The following USP7 variants were observed in gnomAD, a reference collection of about 807,000 sequenced individuals.
The protein encoded by USP7 is ubiquitin C-terminal hydrolase 7.
Under a neutral mutation model 162.9 loss-of-function variants are expected in USP7, and 9 were observed. The observed-to-expected ratio is 0.06, with a 90% CI of 0.03 to 0.10. The LOEUF is 0.10. Ranked by LOEUF, USP7 falls within the 10% of genes least tolerant of loss-of-function variation. USP7 has a pLI of 1.00. For missense variants in USP7, 715 were observed against 1,373.7 expected (o/e 0.52, Z 7.58); for synonymous variants, 562 against 475.9 (o/e 1.18, Z -2.35).
chr16:8,944,510 T>G (rs1899191203), intron 1 of USP7, among the ~76,000 whole-genome samples: 1 of 152,198 alleles, frequency 6.6e-6, no homozygotes, highest in Non-Finnish European at 1.5e-5. Context: ...AAGGAGATTT[T>G]TATACATACT....
chr16:8,937,399 A>C (rs58502098), intron 1 of USP7, among the ~76,000 whole-genome samples: 1 of 152,162 alleles, frequency 6.6e-6, no homozygotes, highest in East Asian at 1.9e-4. Context: ...AAAATTAGCC[A>C]GACGTGGTGG....
intron 4 of USP7, 34 bp from the exon 5 acceptor site, chr16:8,920,481 T>A (rs756806626): frequency 1.9e-6 from 3 of 1,565,110 alleles, no homozygotes; most frequent in Non-Finnish European, 1.8e-6. Flanking sequence ...CCAGCTTGAA[T>A]AAGAACACAC....
intron 2 of USP7, among the ~76,000 whole-genome samples, chr16:8,928,643 T>C (rs76217886): frequency 6.6e-6 from 1 of 152,212 alleles, no homozygotes; most frequent in African/African-American, 2.4e-5. Flanking sequence ...CAGAAAGATA[T>C]TACATGCTGG....
chr16:8,947,825 T>G (rs1899357819), intron 1 of USP7, among the ~76,000 whole-genome samples: 2 of 152,218 alleles, frequency 1.3e-5, no homozygotes, highest in Admixed American at 6.5e-5. Context: ...CTGCCTCAGC[T>G]AGGTGGGCAT....
chr16:8,955,631 GGGA>G (rs1436797943), intron 1 of USP7, among the ~76,000 whole-genome samples: 3 of 147,994 alleles, frequency 2.0e-5, no homozygotes, highest in Non-Finnish European at 4.5e-5. Context: ...GCTTGAACCT[GGGA>G]GGAGGAGGTT....
chr16:8,893,274 T>TAA lies in USP7; in HGVS notation c.*722_*723dup, dbSNP rs2061629038. On this transcript the variant is annotated 3_prime_UTR_variant, in exon 31 of 31. Transcript: ENST00000344836. ...CTGCTCGTATGAACTGTTGAGATCGTAAGTCTGCCAAGGCAGCAGAGTAAA... is the reference window on the plus strand; with the variant it reads ...CTGCTCGTATGAACTGTTGAGATCGTAAAAGTCTGCCAAGGCAGCAGAGTAAA... 6.6e-6 allele frequency: 1 copy of TAA among 152,282 alleles called. No homozygotes were observed. Among genetic ancestry groups the TAA allele is most frequent in the Admixed American group, 6.5e-5 (1 of 15,284 alleles). 9.4% of individuals were successfully genotyped at this position (152,282 alleles called of 1,614,324 possible).
chr16:8,896,025 CG>C (rs1177578495), intron 26 of USP7, among the ~76,000 whole-genome samples: 11 of 151,716 alleles, frequency 7.3e-5, no homozygotes, highest in African/African-American at 1.5e-4. Flanking sequence ...TTAGTAGAGA[CG>C]GGGTTTCACC....
At position 8,920,460 on chromosome 16, in the gene USP7, A is replaced by G. The variant is rs1897623700; in HGVS notation, c.523-13T>C. 1.2e-6 allele frequency: 2 copies of G among 1,601,044 alleles called. No homozygotes were observed. The highest frequency in any genetic ancestry group is 2.2e-5 in the East Asian group (1 of 44,836). On this transcript the variant is annotated splice_polypyrimidine_tract_variant and intron_variant, in intron 4 of 30. Coordinates refer to ENST00000344836, the MANE Select transcript of USP7 (RefSeq NM_003470.3). ...GATCGGTCACTTCCTATAAAACATA[A>G]ATAAGAATATCCAGCTTGAATAAGA... is the stretch of plus-strand genomic sequence containing the variant.
At chr16:8,959,427 A>G (rs539708081) in intron 1 of USP7, among the ~76,000 whole-genome samples, 1 of 152,256 alleles carries the variant, frequency 6.6e-6, no homozygotes, top group African/African-American at 2.4e-5. Flanking sequence ...AGAAAAAATT[A>G]ATAATGAGGA....
intron 2 of USP7, among the ~76,000 whole-genome samples, chr16:8,924,051 A>T (rs1235082088): frequency 2.6e-5 from 4 of 152,214 alleles, no homozygotes; most frequent in Non-Finnish European, 5.9e-5. Flanking sequence ...GAGTAGTATA[A>T]ATTGTTAAAT....
intron 1 of USP7, among the ~76,000 whole-genome samples, chr16:8,951,920 T>C (rs1314974583): frequency 6.6e-6 from 1 of 152,210 alleles, no homozygotes; most frequent in African/African-American, 2.4e-5. Context: ...TCAGTGGCCC[T>C]GGACTATTCA....
At chr16:8,897,771 C>T (rs1217970153) in intron 25 of USP7, among the ~76,000 whole-genome samples, 3 of 126,516 alleles carry the variant, frequency 2.4e-5, no homozygotes, top group African/African-American at 9.2e-5. Flanking sequence ...TGGTGACATA[C>T]ACCTGTAATC....
At chr16:8,939,998 T>C (rs942267548) in intron 1 of USP7, among the ~76,000 whole-genome samples, 18 of 152,138 alleles carry the variant, frequency 1.2e-4, no homozygotes, top group African/African-American at 2.4e-5. Context: ...CTTGGGAGGC[T>C]GAGGCACAAG....
rs756704784 is a variant in USP7 at position 8,898,477 on chromosome 16, A to C, written c.2641-40T>G. On this transcript the variant is annotated intron_variant, in intron 24 of 30. Transcript: ENST00000344836. ...AAGATTCACATCAGATACCGTCACC[A>C]AAACCCCGAGCCTTCTCTTTATGAC... 3.2e-5 allele frequency: 51 copies of C among 1,606,066 alleles called. No individual in the cohort carries two copies. In the African/African-American group the frequency reaches 6.4e-4, roughly 20 times the overall value.
At position 8,963,712 on chromosome 16, in the gene USP7, A is replaced by AGGCCTGGCCGGCC. The variant is rs1900116551; in HGVS notation, c.-440_-428dup. 7.3e-6 allele frequency among the ~76,000 whole-genome samples: 1 copy of AGGCCTGGCCGGCC among 137,526 alleles called. No homozygotes were observed. The highest frequency in any genetic ancestry group is 7.1e-5 in the Admixed American group (1 of 14,070). The allele number at this position is 137,526 out of a possible 152,430, so 90.2% of individuals were successfully genotyped here. A position where few individuals can be genotyped will look rare whatever the true frequency, so the allele number is the denominator to read the frequency against. ...CCTCGGGCCGGGCGCGGCGGACGGG[A>AGGCCTGGCCGGCC]GGCCTGGCCGGCCGCGGCGGGCCTG... On this transcript the variant is annotated 5_prime_UTR_variant, in exon 1 of 31. Transcript: ENST00000344836.
intron 3 of USP7, 143 bp from the exon 4 acceptor site, chr16:8,921,438 G>T: frequency 1.1e-6 from 1 of 935,250 alleles, no homozygotes. Flanking sequence ...AAGGTAGGAT[G>T]GAGGCATTTT....
At chr16:8,906,720 G>C in intron 12 of USP7, 138 bp from the exon 13 acceptor site, 1 of 777,036 alleles carries the variant, frequency 1.3e-6, no homozygotes, top group Non-Finnish European at 2.0e-6. Context: ...GGCCTATGAA[G>C]TACATAACGT....
chr16:8,921,320 T>C, intron 3 of USP7, 25 bp from the exon 4 acceptor site: 1 of 1,605,014 alleles, frequency 6.2e-7, no homozygotes, highest in Non-Finnish European at 8.5e-7. Context: ...AATCTGAGCC[T>C]TAGTTGACAT....
chr16:8,931,549 A>G (rs1898342627), intron 1 of USP7, among the ~76,000 whole-genome samples: 1 of 152,222 alleles, frequency 6.6e-6, no homozygotes, highest in African/African-American at 2.4e-5. Flanking sequence ...AAGATCCGGG[A>G]AAGTGTTTAG....
Sources: allele counts gnomAD v4.1 joint callset (sites outside exome capture counted in the v4.1 genomes callset), GRCh38; gene constraint gnomAD v4.1.1; transcripts MANE v1.5; gene names NCBI Gene and HGNC (gene_info 2026-07-23, HGNC 2026-07-21).